FBXO34: variants seen among roughly 807,000 people sequenced by gnomAD.
FBXO34 encodes F-box only protein 34.
FBXO34 carries 12 observed loss-of-function variants against 24.5 expected under a neutral mutation model. The observed-to-expected ratio is 0.49, with a 90% CI of 0.31 to 0.79. FBXO34 has a LOEUF of 0.79. Ranked by LOEUF, FBXO34 falls within the 30% of genes least tolerant of loss-of-function variation. The pLI is 0.04. For synonymous variants in FBXO34, 320 were observed against 311.9 expected, an observed-to-expected ratio of 1.03 and a Z score of -0.27; for missense variants, 823 against 857.7, an observed-to-expected ratio of 0.96 and a Z score of 0.51.
At chr14:55,319,483 T>C (rs1246514649) in intron 1 of FBXO34, among the ~76,000 whole-genome samples, 2 of 152,238 alleles carry the variant, frequency 1.3e-5, no homozygotes, top group East Asian at 3.8e-4. Flanking sequence ...TGGTTTGTGT[T>C]TGAGTTGTTT....
rs368327978 is a variant in FBXO34, at chr14:55,330,882, C to G, written c.-10-19499C>G. Among the ~76,000 whole-genome samples, 49 of 152,306 alleles carry G rather than the reference C, an allele frequency of 3.2e-4. 1 individual carries two copies. Among genetic ancestry groups the G allele is most frequent in the African/African-American group, 1.2e-3 (49 of 41,570 alleles). ...TACTGTGTACCTTATTAATCTGTCT[C>G]TCAGCTAGAACATAACCTTTTCTAT... On this transcript the variant is annotated intron_variant, in intron 1 of 1. Transcript: ENST00000313833.
At chr14:55,372,175 T>A (rs1884833980), downstream of FBXO34, among the ~76,000 whole-genome samples, 1 of 151,994 alleles carries the variant, frequency 6.6e-6, no homozygotes, top group African/African-American at 2.4e-5. Flanking sequence ...CTGGGACTCC[T>A]CCCCTCCCAC....
At chr14:55,421,549 T>C in the FBXO34 span, among the ~76,000 whole-genome samples, 2 of 152,180 alleles carry the variant, frequency 1.3e-5, no homozygotes, top group Non-Finnish European at 2.9e-5. Flanking sequence ...CTGCAGCCTC[T>C]GCCTCCCAGG....
chr14:55,295,511 C>T (rs376477481), intron 1 of FBXO34, among the ~76,000 whole-genome samples: 28 of 150,920 alleles, frequency 1.9e-4, no homozygotes, highest in East Asian at 1.6e-3. Context: ...TCTCCAGCCT[C>T]AGCCTCCCGA....
chr14:55,282,015 T>TG (rs1555334782), intron 1 of FBXO34, among the ~76,000 whole-genome samples: 1,233 of 96,850 alleles, frequency 0.013, 36 homozygotes, highest in East Asian at 0.027. Context: ...TTTTTTTTTT[T>TG]GATACAGAGT....
intron 1 of FBXO34, among the ~76,000 whole-genome samples, chr14:55,293,302 C>T (rs1008189279): frequency 7.9e-5 from 12 of 152,038 alleles, no homozygotes; most frequent in African/African-American, 1.7e-4. Context: ...CTCAGCCACT[C>T]GAGTAGCTGG....
At chr14:55,365,807 C>T (rs74050983), downstream of FBXO34, among the ~76,000 whole-genome samples, 526 of 152,294 alleles carry the variant, frequency 3.5e-3, 5 homozygotes, top group African/African-American at 0.012. Flanking sequence ...ATGGCAATAG[C>T]TCCTGAGGGT....
the FBXO34 span, among the ~76,000 whole-genome samples, chr14:55,441,656 C>T: frequency 2.0e-5 from 3 of 152,332 alleles, no homozygotes; most frequent in South Asian, 2.1e-4. Flanking sequence ...ACGAAAATAA[C>T]GCAAAACATT....
intron 1 of FBXO34, among the ~76,000 whole-genome samples, chr14:55,296,669 T>C (rs907784219): frequency 1.3e-5 from 2 of 152,158 alleles, no homozygotes; most frequent in African/African-American, 4.8e-5. Context: ...GTGCTGGGAA[T>C]ACAGGCATGA....
chr14:55,442,859 A>T, the FBXO34 span, among the ~76,000 whole-genome samples: 1 of 152,196 alleles, frequency 6.6e-6, no homozygotes, highest in Admixed American at 6.5e-5. Flanking sequence ...TCCTCACAAG[A>T]AGATGAAATC....
At chr14:55,358,108 G>C (rs1429601164), downstream of FBXO34, among the ~76,000 whole-genome samples, 1 of 151,604 alleles carries the variant, frequency 6.6e-6, no homozygotes, top group East Asian at 2.0e-4. Context: ...AACGCAGCAT[G>C]ATTCTGCTAC....
intron 1 of FBXO34, among the ~76,000 whole-genome samples, chr14:55,274,206 CCTCT>C (rs1362157461): frequency 2.0e-5 from 3 of 152,182 alleles, no homozygotes; most frequent in Non-Finnish European, 2.9e-5. Context: ...GTGCATTTTT[CCTCT>C]CTATTTTGCT....
chr14:55,374,427 A>G (rs2140121726), downstream of FBXO34, among the ~76,000 whole-genome samples: 1 of 152,310 alleles, frequency 6.6e-6, no homozygotes, highest in South Asian at 2.1e-4. Flanking sequence ...GAAAGATTTC[A>G]GTTGTCTAGA....
chr14:55,420,770 A>T, the FBXO34 span, among the ~76,000 whole-genome samples: 2 of 152,076 alleles, frequency 1.3e-5, no homozygotes, highest in Non-Finnish European at 2.9e-5. Flanking sequence ...TTTTAAAAGA[A>T]ATTTGGGGGT....
At chr14:55,321,579 T>C (rs1883136161) in intron 1 of FBXO34, among the ~76,000 whole-genome samples, 1 of 152,118 alleles carries the variant, frequency 6.6e-6, no homozygotes, top group African/African-American at 2.4e-5. Context: ...ATATTTTTTG[T>C]AGAGATGGGA....
chr14:55,328,304 A>AGG (rs1353964044), intron 1 of FBXO34, among the ~76,000 whole-genome samples: 1 of 152,172 alleles, frequency 6.6e-6, no homozygotes, highest in African/African-American at 2.4e-5. Context: ...TTTCACTTGA[A>AGG]GGAAACACTA....
At chr14:55,386,156 A>C in the FBXO34 span, 1 of 1,377,750 alleles carries the variant, frequency 7.3e-7, no homozygotes, top group Admixed American at 2.1e-5. Context: ...TGTACTGCAG[A>C]GCTCCACCCC....
intron 1 of FBXO34, among the ~76,000 whole-genome samples, chr14:55,327,804 T>C (rs769929890): frequency 3.3e-5 from 5 of 151,792 alleles, no homozygotes; most frequent in Non-Finnish European, 2.9e-5. Flanking sequence ...ACCCTATATA[T>C]ATTGTGCACG....
the FBXO34 span, among the ~76,000 whole-genome samples, chr14:55,379,688 G>A: frequency 6.6e-6 from 1 of 152,180 alleles, no homozygotes; most frequent in Non-Finnish European, 1.5e-5. Flanking sequence ...AGATTGTAGT[G>A]CAAACTGGGT....
Sources: allele counts gnomAD v4.1 joint callset (sites outside exome capture counted in the v4.1 genomes callset), GRCh38; gene constraint gnomAD v4.1.1; transcripts MANE v1.5; gene names NCBI Gene and HGNC (gene_info 2026-07-23, HGNC 2026-07-21).